Variants in CEP350 observed in about 807,000 individuals in gnomAD.
CEP350 encodes centrosomal protein 350, also known as centrosome-associated protein 350.
Under a neutral mutation model 331.8 loss-of-function variants are expected in CEP350, and 126 were observed. That is an observed-to-expected ratio of 0.38 (90% confidence interval 0.33 to 0.44). The LOEUF (loss-of-function observed/expected upper bound fraction) is 0.44. Among genes scored for constraint, CEP350 ranks in the 20% least tolerant of loss-of-function variants. The probability of loss-of-function intolerance (pLI) is 1.00; values close to 1 mark genes in which losing one functional copy is unlikely to be tolerated. For missense variants in CEP350, 3,406 were observed against 3,634.6 expected (o/e 0.94, Z 1.62); for synonymous variants, 1,200 against 1,259.5 (o/e 0.95, Z 1.00).
intron 1 of CEP350, among the ~76,000 whole-genome samples, chr1:179,975,186 T>C (rs1466751365): frequency 6.6e-6 from 1 of 152,152 alleles, no homozygotes; most frequent in African/African-American, 2.4e-5. Context: ...TGAAATTTTC[T>C]GGATATTCAG....
chr1:180,026,815 T>G (rs928774790), intron 14 of CEP350, among the ~76,000 whole-genome samples: 2 of 152,230 alleles, frequency 1.3e-5, no homozygotes, highest in African/African-American at 2.4e-5. Context: ...TTCTTTCTAT[T>G]GCTGAATAAT....
At chr1:180,052,903 GC>G (rs1355035205) in intron 22 of CEP350, 66 bp from the exon 23 acceptor site, 2 of 601,422 alleles carry the variant, frequency 3.3e-6, no homozygotes, top group East Asian at 5.6e-5. Context: ...GAGGCAAAGG[GC>G]TATTAATTGA....
intron 25 of CEP350, among the ~76,000 whole-genome samples, chr1:180,059,145 G>A (rs1558132613): frequency 6.6e-6 from 1 of 152,136 alleles, no homozygotes; most frequent in African/African-American, 2.4e-5. Context: ...TGAATTGGGT[G>A]AATTTATACA....
chr1:179,977,145 T>C (rs1417645592), intron 1 of CEP350, among the ~76,000 whole-genome samples: 1 of 152,182 alleles, frequency 6.6e-6, no homozygotes, highest in Non-Finnish European at 1.5e-5. Flanking sequence ...CCTTAGGCCT[T>C]ATCCAGTCAG....
chr1:180,023,972 T>A (rs189915670), intron 13 of CEP350, among the ~76,000 whole-genome samples: 32 of 152,224 alleles, frequency 2.1e-4, no homozygotes, highest in Admixed American at 8.5e-4. Context: ...AAGGAAAATA[T>A]GAAATTTTTA....
Position 180,048,572 on chromosome 1 carries a change from A to G in CEP350, c.4659A>G (p.Ser1553=). 6.2e-7 allele frequency: 1 copy of G among 1,609,566 alleles called. No individual in the cohort carries two copies. ...GTAGCAGCCGCCAAGAAAGTCCTTC[A>G]GTTCCATCTTGTAAGGAAAATGAGA... The part of the protein sequence containing the change: ...SSGSSRQESP[S]VPSCKENEKK... Residue 1553 remains serine, a synonymous_variant, in exon 22 of 38, where the codon TCA becomes TCG. Coordinates refer to ENST00000367607, the MANE Select transcript of CEP350 (RefSeq NM_014810.5).
intron 33 of CEP350, among the ~76,000 whole-genome samples, chr1:180,091,561 C>G (rs1370477289): frequency 6.6e-6 from 1 of 152,082 alleles, no homozygotes. Flanking sequence ...CTAGGCGCAG[C>G]AGCTCACGCC....
intron 25 of CEP350, among the ~76,000 whole-genome samples, chr1:180,059,708 A>T (rs1333590905): frequency 2.0e-5 from 3 of 152,022 alleles, no homozygotes; most frequent in Non-Finnish European, 4.4e-5. Flanking sequence ...TGAGTGTTTG[A>T]CAAATGTTTT....
intron 30 of CEP350, 96 bp downstream of exon 30, chr1:180,080,757 G>C (rs1011796104): frequency 2.0e-6 from 2 of 1,004,254 alleles, no homozygotes; most frequent in African/African-American, 3.2e-5. Context: ...GGAAGCATAT[G>C]TAGACAGACA....
intron 37 of CEP350, among the ~76,000 whole-genome samples, chr1:180,103,014 AAG>A (rs1043554278): frequency 4.6e-5 from 7 of 152,222 alleles, no homozygotes; most frequent in Non-Finnish European, 1.0e-4. Flanking sequence ...TCTTTTATGA[AAG>A]AGAGGTGTTC....
intron 25 of CEP350, among the ~76,000 whole-genome samples, chr1:180,055,580 T>C (rs968974106): frequency 1.5e-5 from 2 of 130,754 alleles, no homozygotes; most frequent in Non-Finnish European, 3.2e-5. Flanking sequence ...TGAGACAGTC[T>C]CGCTCTTTTA....
intron 22 of CEP350, among the ~76,000 whole-genome samples, chr1:180,050,663 C>T (rs967151780): frequency 9.7e-5 from 12 of 123,088 alleles, no homozygotes; most frequent in African/African-American, 4.3e-4. Context: ...GATTCTGTCT[C>T]CAAAAAAACC....
intron 37 of CEP350, among the ~76,000 whole-genome samples, chr1:180,104,469 G>A (rs958065775): frequency 8.6e-5 from 13 of 152,020 alleles, no homozygotes; most frequent in Non-Finnish European, 1.3e-4. Context: ...GCCTCCTTCA[G>A]TATTTTTGCA....
At position 180,020,940 on chromosome 1, in the gene CEP350, G is replaced by C. The variant is rs1302700240; in HGVS notation, c.3166G>C (p.Glu1056Gln). ...TACACAAAGCAAAGGACCATGGGAAGAATTGGCAAAGGGAAGTCCACATAG... is the reference window on the plus strand; with the variant it reads ...TACACAAAGCAAAGGACCATGGGAACAATTGGCAAAGGGAAGTCCACATAG... ...GGTQSKGPWE[E>Q]LAKGSPHSVI... The change falls in exon 12 of 38, where the codon GAA becomes CAA. Residue 1056 changes from glutamate to glutamine, a missense_variant. Coordinates refer to ENST00000367607, the MANE Select transcript of CEP350 (RefSeq NM_014810.5). The C allele has an allele frequency of 6.2e-7, 1 of 1,602,206 alleles. No individual in the cohort carries two copies. The highest frequency in any genetic ancestry group is 1.1e-5 in the South Asian group (1 of 89,182).
intron 1 of CEP350, among the ~76,000 whole-genome samples, chr1:179,961,302 G>A (rs1051193461): frequency 6.6e-6 from 1 of 151,952 alleles, no homozygotes; most frequent in Non-Finnish European, 1.5e-5. Context: ...AAAAAAATTA[G>A]CTCGGCGTGG....
intron 8 of CEP350, among the ~76,000 whole-genome samples, chr1:180,011,143 C>T (rs770469814): frequency 5.9e-5 from 9 of 151,848 alleles, no homozygotes; most frequent in Admixed American, 3.9e-4. Context: ...ATGATGAGGG[C>T]CATTTAAAAT....
intron 4 of CEP350, among the ~76,000 whole-genome samples, chr1:179,991,410 G>C (rs1304300467): frequency 2.0e-5 from 3 of 146,614 alleles, no homozygotes; most frequent in Non-Finnish European, 4.5e-5. Context: ...TCTACGTCCT[G>C]GGTTTAAGCG....
chr1:180,104,958 T>C (rs1661062117), intron 37 of CEP350, among the ~76,000 whole-genome samples: 1 of 152,114 alleles, frequency 6.6e-6, no homozygotes, highest in Admixed American at 6.6e-5. Flanking sequence ...AACTCATATT[T>C]CTTTAAAGCT....
At chr1:179,990,179 G>A (rs1358400980) in intron 3 of CEP350, among the ~76,000 whole-genome samples, 7 of 150,134 alleles carry the variant, frequency 4.7e-5, no homozygotes, top group Admixed American at 3.3e-4. Context: ...GACCGAGACC[G>A]TCTCAAAAAA....
Sources: gnomAD v4.1 joint callset for allele counts (sites outside exome capture counted in the v4.1 genomes callset) on GRCh38, gnomAD v4.1.1 for gene constraint, MANE v1.5 for transcripts, NCBI Gene and HGNC (gene_info 2026-07-23, HGNC 2026-07-21) for gene names.